The following CAPN14 variants were observed in gnomAD, a reference collection of about 807,000 sequenced individuals.
CAPN14 encodes calpain 14, also known as calpain-14.
CAPN14 carries 94 observed loss-of-function variants against 101.3 expected under a neutral mutation model. That is an observed-to-expected ratio of 0.93 (90% CI 0.79 to 1.10). CAPN14 has a LOEUF of 1.10. Among genes scored for constraint, CAPN14 ranks in the 50% least tolerant of loss-of-function variants. The pLI, the probability that CAPN14 is intolerant of heterozygous loss-of-function variation, is 0.00. For missense variants in CAPN14, 837 were observed against 828.4 expected, an observed-to-expected ratio of 1.01 and a Z score of -0.13; for synonymous variants, 338 against 317.9, an observed-to-expected ratio of 1.06 and a Z score of -0.67.
intron 16 of CAPN14, among the ~76,000 whole-genome samples, chr2:31,182,136 C>T (rs1389969405): frequency 6.6e-6 from 1 of 152,114 alleles, no homozygotes; most frequent in African/African-American, 2.4e-5. Context: ...ATTCAACAAC[C>T]TTTCATGCTA....
intron 2 of CAPN14, among the ~76,000 whole-genome samples, chr2:31,222,561 T>C (rs1048918452): frequency 1.1e-4 from 16 of 152,222 alleles, no homozygotes; most frequent in Admixed American, 9.2e-4. Context: ...AAAAATTCAA[T>C]TGTTTGTTTT....
intron 2 of CAPN14, 46 bp from the exon 3 acceptor site, chr2:31,203,185 G>C (rs1185677348): frequency 6.7e-7 from 1 of 1,493,312 alleles, no homozygotes; most frequent in Admixed American, 2.0e-5. Flanking sequence ...GAACAAAAAA[G>C]CTCCTGGAGC....
At chr2:31,182,987 G>A (rs1572393652) in intron 16 of CAPN14, among the ~76,000 whole-genome samples, 1 of 152,190 alleles carries the variant, frequency 6.6e-6, no homozygotes, top group South Asian at 2.1e-4. Context: ...CCAAAACAGA[G>A]ATATAGATCA....
intron 1 of CAPN14, among the ~76,000 whole-genome samples, chr2:31,227,583 T>G (rs78450115): frequency 6.6e-6 from 1 of 152,224 alleles, no homozygotes; most frequent in East Asian, 1.9e-4. Context: ...TTGACCTACA[T>G]TGTTTCATTT....
chr2:31,230,228 T>C lies in CAPN14; in HGVS notation c.-177+3563A>G, dbSNP rs1044457223. On this transcript the variant is annotated intron_variant and NMD_transcript_variant, in intron 1 of 21. Coordinates refer to the CAPN14 transcript ENST00000398824. The surrounding 1 kb of genome is among the most constrained non-coding windows in gnomAD (Gnocchi z 4.3). ...ACCCCAGTGTGGTATATATTTTATA[T>C]GAATGTGGCACATTTATCCATTTAC... 2.0e-5 allele frequency among the ~76,000 whole-genome samples: 3 copies of C among 152,248 alleles called. No homozygotes were observed. Among genetic ancestry groups the C allele is most frequent in the African/African-American group, 7.2e-5 (3 of 41,470 alleles).
intron 13 of CAPN14, among the ~76,000 whole-genome samples, chr2:31,188,716 A>C (rs564387802): frequency 2.0e-4 from 30 of 152,308 alleles, no homozygotes; most frequent in African/African-American, 7.2e-4. Context: ...AGGTAAAACA[A>C]TCATAGGCAA....
At chr2:31,220,969 A>C (rs762480224), upstream of CAPN14, among the ~76,000 whole-genome samples, 27 of 152,230 alleles carry the variant, frequency 1.8e-4, no homozygotes, top group Non-Finnish European at 3.4e-4. Flanking sequence ...TTCCATATAT[A>C]ACTTTCAAGC....
At chr2:31,193,356 C>T in intron 9 of CAPN14, 62 bp from the exon 10 acceptor site, 2 of 1,498,756 alleles carry the variant, frequency 1.3e-6, no homozygotes, top group Non-Finnish European at 9.0e-7. Context: ...TTATCAGGAC[C>T]CATGGGGAGG....
intron 1 of CAPN14, among the ~76,000 whole-genome samples, chr2:31,232,749 T>C (rs932158873): frequency 6.6e-5 from 10 of 152,168 alleles, no homozygotes; most frequent in African/African-American, 2.4e-4. Context: ...CGCATGGGGA[T>C]TATGGGGATT....
intron 9 of CAPN14, among the ~76,000 whole-genome samples, chr2:31,193,616 G>C (rs1287175881): frequency 1.3e-5 from 2 of 152,310 alleles, no homozygotes; most frequent in Non-Finnish European, 2.9e-5. Context: ...TAGCTAACTA[G>C]TCATTTGTTT....
chr2:31,219,892 C>T (rs370940146), upstream of CAPN14, among the ~76,000 whole-genome samples: 12 of 152,172 alleles, frequency 7.9e-5, no homozygotes, highest in East Asian at 2.1e-3. Context: ...AGGTCAAATG[C>T]GTCTGTGGCA....
intron 12 of CAPN14, among the ~76,000 whole-genome samples, chr2:31,189,882 T>C (rs1681090959): frequency 6.6e-6 from 1 of 152,150 alleles, no homozygotes; most frequent in Non-Finnish European, 1.5e-5. Context: ...TGAGTTCCAA[T>C]GCTCCTGTTC....
At chr2:31,177,860 T>C (rs1179616771) in intron 18 of CAPN14, 39 bp from the exon 19 acceptor site, 2 of 1,472,746 alleles carry the variant, frequency 1.4e-6, no homozygotes, top group Non-Finnish European at 1.9e-6. Context: ...AAGCCAGGCA[T>C]TTCCAAGCAC....
chr2:31,193,378 C>G, intron 9 of CAPN14, 84 bp from the exon 10 acceptor site: 1 of 1,346,788 alleles, frequency 7.4e-7, no homozygotes, highest in Non-Finnish European at 1.0e-6. Context: ...TGAAACGGAG[C>G]AGTGGGCATC....
intron 2 of CAPN14, among the ~76,000 whole-genome samples, chr2:31,204,995 T>C (rs965125094): frequency 6.6e-6 from 1 of 152,030 alleles, no homozygotes; most frequent in African/African-American, 2.4e-5. Context: ...AGGTAGACAG[T>C]GTCGGAATTA....
In CAPN14 at chr2:31,187,748, T is replaced by C. The variant is rs1403546034; in HGVS notation, c.1587+10A>G. On this transcript the variant is annotated intron_variant, in intron 15 of 21. Coordinates refer to ENST00000403897, the MANE Select transcript of CAPN14 (RefSeq NM_001145122.2). ...TCTTCCTCACCCCCCACCACACCTGTTCAACTAACCTTTTCAAAGAATTTG... is the reference window on the plus strand; with the variant it reads ...TCTTCCTCACCCCCCACCACACCTGCTCAACTAACCTTTTCAAAGAATTTG... The C allele has an allele frequency of 9.7e-6, 15 of 1,550,606 alleles. No individual in the cohort carries two copies. In the African/African-American group the frequency reaches 1.6e-4, roughly 17 times the overall value.
rs562421210 is a variant in CAPN14 at position 31,179,251 on chromosome 2, G to A, written c.1711-672C>T. On this transcript the variant is annotated intron_variant, in intron 17 of 21. Coordinates refer to ENST00000403897, the MANE Select transcript of CAPN14 (RefSeq NM_001145122.2). ...CCCACCCCCTGACAGGTCCCAGGGT[G>A]TGATGTTCCCCACACTTGTCCAGGT... Among the ~76,000 whole-genome samples, 187 of 151,922 alleles carry A rather than the reference G, an allele frequency of 1.2e-3. 1 individual carries two copies. The highest frequency in any genetic ancestry group is 4.3e-3 in the African/African-American group (180 of 41,426).
At chr2:31,198,457 C>A (rs1681580593) in intron 7 of CAPN14, among the ~76,000 whole-genome samples, 6 of 152,188 alleles carry the variant, frequency 3.9e-5, no homozygotes, top group Admixed American at 2.0e-4. Flanking sequence ...TTAACTGAGA[C>A]CTGTCTCAGA....
chr2:31,197,387 G>C, intron 7 of CAPN14, 53 bp from the exon 8 acceptor site: 6 of 1,247,586 alleles, frequency 4.8e-6, no homozygotes, highest in Non-Finnish European at 6.9e-6. Context: ...AAACATTCCA[G>C]AGATCTGAGT....
Sources: gnomAD v4.1 joint callset for allele counts (sites outside exome capture counted in the v4.1 genomes callset) on GRCh38, gnomAD v4.1.1 for gene constraint, Gnocchi (gnomAD v3.1) non-coding constraint, MANE v1.5 for transcripts, NCBI Gene and HGNC (gene_info 2026-07-23, HGNC 2026-07-21) for gene names.